ATF7IP: variants seen among roughly 807,000 people sequenced by gnomAD.
ATF7IP encodes activating transcription factor 7 interacting protein.
Under a neutral mutation model 106.4 loss-of-function variants are expected in ATF7IP, and 23 were observed. The ratio of observed to expected loss-of-function variants is 0.22; its 90% CI spans 0.16 to 0.31. The LOEUF (loss-of-function observed/expected upper bound fraction) is 0.31, where lower values mean the gene tolerates loss of function less well. Ranked by LOEUF, ATF7IP falls within the 10% of genes least tolerant of loss-of-function variation. The pLI, the probability that ATF7IP is intolerant of heterozygous loss-of-function variation, is 1.00. For synonymous variants in ATF7IP, 542 were observed against 539.0 expected (o/e 1.01, Z -0.08); for missense variants, 1,334 against 1,524.3 (o/e 0.88, Z 2.08).
chr12:14,476,763 A>T (rs570586606), intron 11 of ATF7IP, among the ~76,000 whole-genome samples: 7 of 152,236 alleles, frequency 4.6e-5, no homozygotes, highest in Non-Finnish European at 8.8e-5. Context: ...AATTTCTTTT[A>T]TCTAGCATTA....
At chr12:14,414,590 A>G (rs1174595902) in intron 1 of ATF7IP, among the ~76,000 whole-genome samples, 1 of 152,214 alleles carries the variant, frequency 6.6e-6, no homozygotes, top group African/African-American at 2.4e-5. Context: ...TGTATACTGT[A>G]TATCTCTGTC....
chr12:14,409,894 TCTG>T, intron 1 of ATF7IP, among the ~76,000 whole-genome samples: 1 of 152,292 alleles, frequency 6.6e-6, no homozygotes, highest in Middle Eastern at 3.4e-3. Flanking sequence ...CAACTGAAGT[TCTG>T]CTATTTTTTT....
At chr12:14,470,831 T>TAA (rs1944015922) in intron 10 of ATF7IP, among the ~76,000 whole-genome samples, 1 of 152,182 alleles carries the variant, frequency 6.6e-6, no homozygotes, top group Non-Finnish European at 1.5e-5. Flanking sequence ...GGAAACTACT[T>TAA]GTAGTATATG....
At chr12:14,494,764 C>A (rs985507450) in intron 13 of ATF7IP, among the ~76,000 whole-genome samples, 3 of 151,206 alleles carry the variant, frequency 2.0e-5, no homozygotes, top group Non-Finnish European at 4.4e-5. Flanking sequence ...GAAACCTCAT[C>A]CCTACCAAAA....
chr12:14,405,736 A>AAACTCCTGTGGGT (rs1356247343), intron 1 of ATF7IP, among the ~76,000 whole-genome samples: 2 of 152,098 alleles, frequency 1.3e-5, no homozygotes, highest in Admixed American at 6.5e-5. Flanking sequence ...CTGCCACTTT[A>AAACTCCTGTGGGT]AACTCCTGTG....
At chr12:14,487,517 G>T (rs187585751) in intron 13 of ATF7IP, among the ~76,000 whole-genome samples, 34 of 152,312 alleles carry the variant, frequency 2.2e-4, no homozygotes, top group Admixed American at 1.2e-3. Context: ...CTCAGACAAA[G>T]TTGGAAAGAC....
In ATF7IP at chr12:14,461,795, A is replaced by G. The variant is rs1477887159; in HGVS notation, c.2797+662A>G. The stretch of plus-strand genomic sequence containing the variant: ...GAGTTTGTTTTGTATGCATTCTTGA[A>G]CTTGCTTATTCTTCATTTCTGACTT... On this transcript the variant is annotated intron_variant, in intron 9 of 14. Transcript: ENST00000261168. Among the ~76,000 whole-genome samples the G allele has an allele frequency of 2.6e-5, 4 of 152,116 alleles. No homozygotes were observed. In the East Asian group the frequency reaches 7.7e-4, roughly 29 times the overall value.
chr12:14,444,542 C>G (rs114141315), intron 5 of ATF7IP, among the ~76,000 whole-genome samples: 3 of 151,954 alleles, frequency 2.0e-5, no homozygotes, highest in Non-Finnish European at 4.4e-5. Context: ...TAAAATGTCT[C>G]AGAATATCTA....
chr12:14,440,261 T>C (rs1325331889), intron 5 of ATF7IP, among the ~76,000 whole-genome samples: 1 of 152,190 alleles, frequency 6.6e-6, no homozygotes, highest in Non-Finnish European at 1.5e-5. Context: ...TAGTAACACC[T>C]TTTATATGAG....
chr12:14,495,455 T>C (rs1360587614), intron 13 of ATF7IP, among the ~76,000 whole-genome samples: 1 of 152,248 alleles, frequency 6.6e-6, no homozygotes, highest in Non-Finnish European at 1.5e-5. Flanking sequence ...GAGCGTTGTC[T>C]GGGAAAATTA....
intron 13 of ATF7IP, among the ~76,000 whole-genome samples, chr12:14,493,986 T>G (rs1423077267): frequency 1.3e-5 from 2 of 151,932 alleles, no homozygotes; most frequent in Non-Finnish European, 2.9e-5. Flanking sequence ...CCACATATGG[T>G]CCAAGGTATT....
Position 14,416,310 on chromosome 12 carries a change from CAAATT to C in ATF7IP, c.-7-7595_-7-7591del, listed in dbSNP as rs768757401. Among the ~76,000 whole-genome samples, 5 of 152,030 alleles carry C rather than the reference CAAATT, an allele frequency of 3.3e-5. No homozygotes were observed. In the South Asian group the frequency reaches 6.2e-4, roughly 19 times the overall value. On this transcript the variant is annotated intron_variant, in intron 1 of 14. Transcript: ENST00000261168. Reference sequence around the variant, plus strand: ...TTCAGCCATTTAATGAAAATAAACTCAAATTAAAATTATTTTCAGTAGAAAAATGA... The same window carrying C: ...TTCAGCCATTTAATGAAAATAAACTCAAAATTATTTTCAGTAGAAAAATGA...
At chr12:14,442,619 G>C (rs181077019) in intron 5 of ATF7IP, among the ~76,000 whole-genome samples, 34 of 152,284 alleles carry the variant, frequency 2.2e-4, no homozygotes, top group African/African-American at 7.9e-4. Context: ...TTTCCTGTTA[G>C]CTAATATGAT....
Position 14,424,813 on chromosome 12 carries a change from G to T in ATF7IP, c.898G>T (p.Val300Phe). The change falls in exon 2 of 15, where the codon GTT (valine) becomes TTT (phenylalanine). Residue 300 changes from valine to phenylalanine, a missense_variant. This residue lies in a region of ATF7IP where 438 missense variants were observed against 405.3 expected (regional missense o/e 1.08). Coordinates refer to ENST00000261168, the MANE Select transcript of ATF7IP (RefSeq NM_018179.5). ...EPKSVPVCEP[V>F]PEIDNIEPSS... ...AAAGTCTGTACCAGTTTGTGAACCA[G>T]TTCCTGAAATTGACAATATAGAACC... The T allele has an allele frequency of 6.2e-7, 1 of 1,614,086 alleles. No homozygotes were observed. The highest frequency in any genetic ancestry group is 1.1e-5 in the South Asian group (1 of 91,062).
intron 5 of ATF7IP, among the ~76,000 whole-genome samples, chr12:14,445,138 G>A (rs921993794): frequency 4.0e-5 from 6 of 151,476 alleles, no homozygotes; most frequent in Admixed American, 2.0e-4. Context: ...CTACAGGCGC[G>A]CGCCACCACG....
intron 11 of ATF7IP, among the ~76,000 whole-genome samples, chr12:14,477,439 T>G (rs974402721): frequency 2.6e-5 from 4 of 152,192 alleles, no homozygotes; most frequent in African/African-American, 7.2e-5. Flanking sequence ...GCCATGACTA[T>G]TATAATGGAT....
Position 14,502,544 on chromosome 12 carries a change from T to C in ATF7IP, c.*4471T>C, listed in dbSNP as rs1291648965. 6.6e-6 allele frequency: 1 copy of C among 152,172 alleles called. No homozygotes were observed. The highest frequency in any genetic ancestry group is 1.5e-5 in the Non-Finnish European group (1 of 68,028). 9.4% of individuals were successfully genotyped at this position (152,172 alleles called of 1,614,324 possible). Reference sequence around the variant, plus strand: ...AGGTCTTTGTTTTTGTCTGTTTTTGTTTTGTTTTGTTTTGTAAATAAGGTA... The same window carrying C: ...AGGTCTTTGTTTTTGTCTGTTTTTGCTTTGTTTTGTTTTGTAAATAAGGTA... On this transcript the variant is annotated 3_prime_UTR_variant, in exon 15 of 15. Transcript: ENST00000261168.
intron 10 of ATF7IP, among the ~76,000 whole-genome samples, chr12:14,468,093 C>T (rs1041054962): frequency 5.3e-5 from 8 of 151,444 alleles, no homozygotes; most frequent in East Asian, 2.0e-4. Context: ...ATGGGGAAAC[C>T]GCAACTCTAC....
At chr12:14,411,287 A>G (rs749462790) in intron 1 of ATF7IP, among the ~76,000 whole-genome samples, 1 of 152,124 alleles carries the variant, frequency 6.6e-6, no homozygotes, top group South Asian at 2.1e-4. Context: ...GCCAATACTC[A>G]TTATTCTTGT....
Sources: gnomAD v4.1 joint callset for allele counts (sites outside exome capture counted in the v4.1 genomes callset) on GRCh38, gnomAD v4.1.1 for gene constraint, gnomAD v4.1.1 regional missense constraint, MANE v1.5 for transcripts, NCBI Gene and HGNC (gene_info 2026-07-23, HGNC 2026-07-21) for gene names.